Variants in ASB7 observed in about 807,000 individuals in gnomAD.
ASB7 encodes the protein ankyrin repeat and SOCS box containing 7, also known as ankyrin repeat and SOCS box protein 7.
ASB7 carries 4 observed loss-of-function variants against 32.5 expected under a neutral mutation model. That is an observed-to-expected ratio of 0.12 (90% confidence interval 0.06 to 0.28). The LOEUF (loss-of-function observed/expected upper bound fraction) is 0.28, where lower values mean the gene tolerates loss of function less well. Ranked by LOEUF, ASB7 falls within the 10% of genes least tolerant of loss-of-function variation. The pLI, the probability that ASB7 is intolerant of heterozygous loss-of-function variation, is 1.00. For missense variants in ASB7, 181 were observed against 407.1 expected (o/e 0.44, Z 4.78); for synonymous variants, 172 against 155.6 (o/e 1.11, Z -0.78).
intron 4 of ASB7, among the ~76,000 whole-genome samples, chr15:100,617,268 C>A (rs1379711837): frequency 6.6e-6 from 1 of 152,138 alleles, no homozygotes; most frequent in African/African-American, 2.4e-5. Flanking sequence ...AAAATATTTC[C>A]TTTTAAAAAT....
At chr15:100,631,118 T>TA (rs2039880066) in intron 5 of ASB7, among the ~76,000 whole-genome samples, 2 of 152,306 alleles carry the variant, frequency 1.3e-5, no homozygotes, top group East Asian at 3.9e-4. Flanking sequence ...ATGCAATTAT[T>TA]ATCACTAATG....
chr15:100,633,470 G>A (rs893324016), intron 5 of ASB7, among the ~76,000 whole-genome samples: 2 of 152,106 alleles, frequency 1.3e-5, no homozygotes, highest in African/African-American at 4.8e-5. Context: ...CCAGTTACTT[G>A]GAAGGCTGAG....
chr15:100,603,339 C>T (rs1214391913), intron 2 of ASB7, 26 bp downstream of exon 2: 1 of 231,084 alleles, frequency 4.3e-6, no homozygotes, highest in Non-Finnish European at 8.3e-6. Context: ...TCCCCTCCCC[C>T]GTTGTTTATT....
At chr15:100,616,289 G>GT (rs2039742284) in intron 4 of ASB7, among the ~76,000 whole-genome samples, 1 of 150,280 alleles carries the variant, frequency 6.7e-6, no homozygotes, top group Non-Finnish European at 1.5e-5. Flanking sequence ...ATTTTGCAAT[G>GT]TTTTCTCTCT....
At chr15:100,643,761 G>A (rs987004459) in intron 5 of ASB7, among the ~76,000 whole-genome samples, 3 of 151,374 alleles carry the variant, frequency 2.0e-5, no homozygotes, top group African/African-American at 7.3e-5. Flanking sequence ...CCAAAGTGCT[G>A]GGATTACAGA....
At chr15:100,611,095 A>T (rs1243151052) in intron 3 of ASB7, among the ~76,000 whole-genome samples, 2 of 152,196 alleles carry the variant, frequency 1.3e-5, no homozygotes, top group Admixed American at 1.3e-4. Flanking sequence ...CCCAGGCTGG[A>T]GTGCAGTGGC....
At chr15:100,623,862 A>G (rs765596999) in intron 4 of ASB7, among the ~76,000 whole-genome samples, 35 of 152,360 alleles carry the variant, frequency 2.3e-4, no homozygotes, top group Non-Finnish European at 4.9e-4. Context: ...AAGAAAAGAA[A>G]TCAGTATATC....
chr15:100,636,939 G>T (rs2039927393), intron 5 of ASB7, among the ~76,000 whole-genome samples: 1 of 152,224 alleles, frequency 6.6e-6, no homozygotes, highest in Non-Finnish European at 1.5e-5. Flanking sequence ...AGGTGAAACT[G>T]CTGGCATGTT....
intron 5 of ASB7, among the ~76,000 whole-genome samples, chr15:100,638,895 T>C (rs528256683): frequency 2.0e-5 from 3 of 152,144 alleles, no homozygotes; most frequent in Non-Finnish European, 4.4e-5. Flanking sequence ...TCTGTGTCCA[T>C]GTGGTCTCAT....
At chr15:100,633,815 G>A (rs2039902724) in intron 5 of ASB7, among the ~76,000 whole-genome samples, 1 of 152,132 alleles carries the variant, frequency 6.6e-6, no homozygotes, top group African/African-American at 2.4e-5. Flanking sequence ...AGTGGCCAGG[G>A]CACAAAACTT....
chr15:100,612,078 C>A, intron 3 of ASB7, 88 bp from the exon 4 acceptor site: 2 of 755,474 alleles, frequency 2.6e-6, no homozygotes, highest in Non-Finnish European at 4.4e-6. Context: ...ACTGATGTAG[C>A]AAATGGAATG....
At chr15:100,618,935 T>A (rs2039767893) in intron 4 of ASB7, among the ~76,000 whole-genome samples, 1 of 152,180 alleles carries the variant, frequency 6.6e-6, no homozygotes, top group Admixed American at 6.5e-5. Flanking sequence ...CATTAAAAAT[T>A]CTAAGCTACG....
chr15:100,628,233 CCTT>C (rs755086845), intron 4 of ASB7, among the ~76,000 whole-genome samples: 68 of 152,300 alleles, frequency 4.5e-4, no homozygotes, highest in Admixed American at 1.2e-3. Context: ...GTTAGCAACT[CCTT>C]CACTGAAATA....
intron 3 of ASB7, among the ~76,000 whole-genome samples, chr15:100,611,426 G>A (rs143408313): frequency 1.4e-5 from 2 of 145,844 alleles, no homozygotes; most frequent in East Asian, 4.1e-4. Context: ...AGAATTCACT[G>A]TACTACTTTT....
At chr15:100,646,159 A>G in intron 5 of ASB7, 1 of 413,898 alleles carries the variant, frequency 2.4e-6, no homozygotes, top group Non-Finnish European at 4.8e-6. Flanking sequence ...CTCCCATAAG[A>G]GAATAGTCTG....
At chr15:100,644,484 T>C (rs548304329) in intron 5 of ASB7, among the ~76,000 whole-genome samples, 161 of 152,320 alleles carry the variant, frequency 1.1e-3, no homozygotes, top group Middle Eastern at 3.4e-3. Context: ...GACCTGAGTG[T>C]GTTTTGCAGC....
Position 100,629,624 on chromosome 15 carries a change from C to A in ASB7, c.399C>A (p.Val133=). The A allele has an allele frequency of 1.9e-6, 3 of 1,614,116 alleles. No individual in the cohort carries two copies. The highest frequency in any genetic ancestry group is 1.7e-6 in the Non-Finnish European group (2 of 1,180,018). ...VAAHYGRDSF[V]RLLLEFKAEV... is the part of the protein sequence containing the mutation. ...CCCACTACGGCAGGGACTCATTTGT[C>A]CGGCTCCTCCTGGAGTTCAAGGCTG... The change falls in exon 5 of 6, where the codon GTC becomes GTA. Residue 133 remains valine (V), a synonymous_variant. Coordinates refer to ENST00000332783, the MANE Select transcript of ASB7 (RefSeq NM_198243.3). The surrounding 1 kb of genome is among the most constrained non-coding windows in gnomAD (Gnocchi z 6.8).
rs935698207 is a variant in ASB7 at position 100,603,297 on chromosome 15, C to T, written c.-190C>T. 35 of 301,030 alleles carry T rather than the reference C, an allele frequency of 1.2e-4. No individual in the cohort carries two copies. The highest frequency in any genetic ancestry group is 6.5e-4 in the African/African-American group (30 of 46,090). 18.6% of individuals were successfully genotyped at this position (301,030 alleles called of 1,614,324 possible). A position where few individuals can be genotyped will look rare whatever the true frequency, so the allele number is the denominator to read the frequency against. On this transcript the variant is annotated 5_prime_UTR_variant, in exon 2 of 6. Coordinates refer to ENST00000332783, the MANE Select transcript of ASB7 (RefSeq NM_198243.3). ...AAGCAGAAGGCACAGTGCCTCTGAC[C>T]AGCATCGTCTGTAAAGGTAATGAGC...
chr15:100,647,018 C>T (rs1427113623), intron 5 of ASB7, among the ~76,000 whole-genome samples: 1 of 14,678 alleles, frequency 6.8e-5, no homozygotes, highest in Admixed American at 9.9e-4. Context: ...GAAAGAATGA[C>T]GTTCTTGTTA....
Sources: gnomAD v4.1 joint callset for allele counts (sites outside exome capture counted in the v4.1 genomes callset) on GRCh38, gnomAD v4.1.1 for gene constraint, Gnocchi (gnomAD v3.1) non-coding constraint, MANE v1.5 for transcripts, NCBI Gene and HGNC (gene_info 2026-07-23, HGNC 2026-07-21) for gene names.